SV2C: variants seen among roughly 807,000 people sequenced by gnomAD.
SV2C encodes the protein solute carrier family 22 member B3.
A neutral mutation model predicts 79.7 loss-of-function variants in SV2C; 49 were observed. The ratio of observed to expected loss-of-function variants is 0.61; its 90% CI spans 0.49 to 0.78. The LOEUF (loss-of-function observed/expected upper bound fraction) is 0.78. SV2C is among the 30% of genes least tolerant of loss of function. The pLI, the probability that SV2C is intolerant of heterozygous loss-of-function variation, is 0.00. For missense variants in SV2C, 833 were observed against 912.9 expected (o/e 0.91, Z 1.13); for synonymous variants, 334 against 333.2 (o/e 1.00, Z -0.03).
Position 76,252,096 on chromosome 5 carries a change from C to T in SV2C, c.914-33066C>T, listed in dbSNP as rs117102208. 2.0e-3 allele frequency among the ~76,000 whole-genome samples: 304 copies of T among 152,220 alleles called. 12 individuals are homozygous for T. The East Asian group carries it at 0.058, about 29-fold the overall frequency. ...AAACTAGAGTATGCAAACTCACTGTCCAAGGAGTATATGCAGTGATGCTTT... is the reference window on the plus strand; with the variant it reads ...AAACTAGAGTATGCAAACTCACTGTTCAAGGAGTATATGCAGTGATGCTTT... On this transcript the variant is annotated intron_variant, in intron 4 of 12. Transcript: ENST00000502798.
At chr5:75,975,005 A>G in the SV2C span, among the ~76,000 whole-genome samples, 71 of 152,312 alleles carry the variant, frequency 4.7e-4, no homozygotes, top group African/African-American at 1.5e-3. Flanking sequence ...GCTCTTAACT[A>G]TTATAGCATG....
the SV2C span, among the ~76,000 whole-genome samples, chr5:75,917,722 A>T: frequency 0.028 from 4,212 of 152,230 alleles, 163 homozygotes; most frequent in African/African-American, 0.081. Flanking sequence ...TACCCCAAAA[A>T]AATAGAAAGA....
intron 3 of SV2C, among the ~76,000 whole-genome samples, chr5:76,196,806 T>C (rs1212929255): frequency 6.6e-6 from 1 of 152,260 alleles, no homozygotes; most frequent in Non-Finnish European, 1.5e-5. Context: ...GGTCAAATTA[T>C]TGTGGCAATT....
Position 76,131,713 on chromosome 5 carries a change from AATTTC to A in SV2C, c.-37_-33del. ...TGAACCACTGAAAGGAGGCTGTGAA[AATTTC>A]CCATCTTCTCATTGGCCATCAGTTG... is the stretch of plus-strand genomic sequence containing the variant. On this transcript the variant is annotated 5_prime_UTR_variant, in exon 2 of 13. Coordinates refer to ENST00000502798, the MANE Select transcript of SV2C (RefSeq NM_014979.4). The A allele has an allele frequency of 1.3e-6, 2 of 1,541,386 alleles. No homozygotes were observed. The highest frequency in any genetic ancestry group is 2.3e-5 in the East Asian group (1 of 44,102).
chr5:76,042,680 C>T, the SV2C span, among the ~76,000 whole-genome samples: 1 of 152,188 alleles, frequency 6.6e-6, no homozygotes, highest in African/African-American at 2.4e-5. Context: ...TGGCTCTGCT[C>T]CTGTTATTCC....
chr5:75,937,723 C>T, the SV2C span, among the ~76,000 whole-genome samples: 3 of 151,518 alleles, frequency 2.0e-5, no homozygotes, highest in African/African-American at 7.3e-5. Flanking sequence ...AACAAAAAAA[C>T]AAAACAAAAC....
intron 1 of SV2C, among the ~76,000 whole-genome samples, chr5:76,102,232 C>T (rs1233238218): frequency 6.6e-6 from 1 of 152,172 alleles, no homozygotes; most frequent in African/African-American, 2.4e-5. Flanking sequence ...ACAGTGCACT[C>T]CCTCAAGTCC....
chr5:75,996,651 T>C, the SV2C span, among the ~76,000 whole-genome samples: 2 of 152,100 alleles, frequency 1.3e-5, no homozygotes, highest in African/African-American at 4.8e-5. Context: ...GTATCCTCTT[T>C]TATTTCCTTG....
At chr5:76,222,605 G>A (rs542940280) in intron 4 of SV2C, among the ~76,000 whole-genome samples, 3 of 152,306 alleles carry the variant, frequency 2.0e-5, no homozygotes, top group Non-Finnish European at 2.9e-5. Context: ...TTGCACTAAT[G>A]TCAGTTCCAT....
chr5:75,989,785 A>G, the SV2C span, among the ~76,000 whole-genome samples: 56 of 151,792 alleles, frequency 3.7e-4, no homozygotes, highest in African/African-American at 1.3e-3. Context: ...CCACAAACTC[A>G]CCAGCATCTG....
rs148616306 is a variant in SV2C, at chr5:76,347,738, C to T, written c.2001-5392C>T. ...ATTGCAAGCGTGAGCCACCCGTGCC[C>T]GGTCCTAGCTATGTTATTTAATAGA... On this transcript the variant is annotated intron_variant, in intron 12 of 12. Transcript: ENST00000322285. Among the ~76,000 whole-genome samples, 1,085 of 152,262 alleles carry T rather than the reference C, an allele frequency of 7.1e-3. 8 individuals carry two copies. The highest frequency in any genetic ancestry group is 0.024 in the Middle Eastern group (7 of 294).
intron 1 of SV2C, among the ~76,000 whole-genome samples, chr5:76,107,159 C>G (rs1747945716): frequency 6.6e-6 from 1 of 152,076 alleles, no homozygotes; most frequent in African/African-American, 2.4e-5. Context: ...TTAGACTTCT[C>G]AAGAAAATCA....
chr5:76,047,145 C>T, the SV2C span, among the ~76,000 whole-genome samples: 3 of 152,158 alleles, frequency 2.0e-5, no homozygotes, highest in East Asian at 1.9e-4. Context: ...AAATCATAAG[C>T]GTACAGCTTG....
the SV2C span, among the ~76,000 whole-genome samples, chr5:76,018,183 C>G: frequency 6.6e-6 from 1 of 152,242 alleles, no homozygotes; most frequent in East Asian, 1.9e-4. Flanking sequence ...TTTAATAGAT[C>G]GTAATAATTT....
chr5:75,971,425 C>G, the SV2C span, among the ~76,000 whole-genome samples: 2 of 152,098 alleles, frequency 1.3e-5, no homozygotes, highest in Non-Finnish European at 2.9e-5. Context: ...TCTAGAAAAC[C>G]CCATCGTCTC....
chr5:76,082,156 G>C (rs1189772380), upstream of SV2C: 1 of 152,286 alleles, frequency 6.6e-6, no homozygotes, highest in Non-Finnish European at 1.5e-5. Flanking sequence ...CTGTGTGACC[G>C]CTTCCCACTC....
At chr5:76,004,723 C>A in the SV2C span, among the ~76,000 whole-genome samples, 3 of 152,214 alleles carry the variant, frequency 2.0e-5, no homozygotes, top group East Asian at 5.8e-4. Flanking sequence ...TTTATGTGAT[C>A]TCTTGTTACC....
Position 76,146,797 on chromosome 5 carries a change from T to TAA in SV2C, c.580+14489_580+14490dup, listed in dbSNP as rs34569063. On this transcript the variant is annotated intron_variant, in intron 2 of 12. Coordinates refer to ENST00000502798, the MANE Select transcript of SV2C (RefSeq NM_014979.4). ...GATGATAAAGGAATGAGTTTTTTTT[T>TAA]AAAAAAAAAAAAAAAAAAAAAAAGC... 4.9e-3 allele frequency among the ~76,000 whole-genome samples: 194 copies of TAA among 39,308 alleles called. 2 individuals carry two copies. Among genetic ancestry groups the TAA allele is most frequent in the African/African-American group, 0.023 (159 of 7,050 alleles). The allele number at this position is 39,308 out of a possible 152,430, so 25.8% of individuals were successfully genotyped here.
intron 4 of SV2C, among the ~76,000 whole-genome samples, chr5:76,239,005 C>T (rs1435701485): frequency 6.6e-6 from 1 of 152,156 alleles, no homozygotes; most frequent in Non-Finnish European, 1.5e-5. Context: ...TTATTTTCAG[C>T]CTGTGTCTCA....
Sources: allele counts gnomAD v4.1 joint callset (sites outside exome capture counted in the v4.1 genomes callset), GRCh38; gene constraint gnomAD v4.1.1; transcripts MANE v1.5; gene names NCBI Gene and HGNC (gene_info 2026-07-23, HGNC 2026-07-21).